PDGFRB: variants seen among roughly 807,000 people sequenced by gnomAD.
PDGFRB encodes platelet-derived growth factor receptor beta.
A neutral mutation model predicts 120.2 loss-of-function variants in PDGFRB; 42 were observed. The observed-to-expected ratio is 0.35, with a 90% CI of 0.27 to 0.45. PDGFRB has a LOEUF of 0.45. Ranked by LOEUF, PDGFRB falls within the 20% of genes least tolerant of loss-of-function variation. The pLI, the probability that PDGFRB is intolerant of heterozygous loss-of-function variation, is 1.00. For synonymous variants in PDGFRB, 586 were observed against 606.8 expected (o/e 0.97, Z 0.50); for missense variants, 1,149 against 1,476.3 (o/e 0.78, Z 3.63).
chr5:150,149,838 C>G (rs1761024185), intron 1 of PDGFRB, among the ~76,000 whole-genome samples: 2 of 152,210 alleles, frequency 1.3e-5, no homozygotes, highest in Admixed American at 1.3e-4. Flanking sequence ...GGTGGTGTCA[C>G]TGCCCTTGGG....
In PDGFRB at chr5:150,132,977, G is replaced by A. The variant is rs2113907401; in HGVS notation, c.935-35C>T. The A allele has an allele frequency of 5.5e-6, 8 of 1,455,746 alleles. No individual in the cohort carries two copies. Among genetic ancestry groups the A allele is most frequent in the Non-Finnish European group, 7.5e-6 (8 of 1,068,096 alleles). The allele number at this position is 1,455,746 out of a possible 1,614,324, so 90.2% of individuals were successfully genotyped here. The stretch of plus-strand genomic sequence containing the variant: ...GTGACCGTCAGGGGCGGGGCCCTGG[G>A]GGCAGGGCACCAACTGAATCCCAAA... On this transcript the variant is annotated intron_variant, in intron 6 of 22. Transcript: ENST00000261799. The surrounding 1 kb of genome is among the most constrained non-coding windows in gnomAD (Gnocchi z 5.0).
Position 150,123,138 on chromosome 5 carries a change from T to C in PDGFRB, c.2087A>G (p.Asn696Ser). ...GTGGTGCTGCAGGAAGGTGTGTTTG[T>C]TGCGGTGCAGGTAGTCCACCAGGTC... ...YGDLVDYLHR[N>S]KHTFLQHHSD... is the part of the protein sequence containing the mutation. The change falls in exon 15 of 23, where the codon AAC becomes AGC. Residue 696 changes from asparagine to serine, a missense_variant. By Grantham distance (46) the Asn-to-Ser change is conservative. Coordinates refer to ENST00000261799, the MANE Select transcript of PDGFRB (RefSeq NM_002609.4). 1 of 1,613,972 alleles carries C rather than the reference T, an allele frequency of 6.2e-7. No homozygotes were observed. The highest frequency in any genetic ancestry group is 8.5e-7 in the Non-Finnish European group (1 of 1,179,892).
At chr5:150,145,531 C>G (rs1316424920) in intron 1 of PDGFRB, among the ~76,000 whole-genome samples, 1 of 152,210 alleles carries the variant, frequency 6.6e-6, no homozygotes, top group Non-Finnish European at 1.5e-5. Context: ...CCTCATTTTA[C>G]AGATGTGGAA....
rs752448014 is a variant in PDGFRB, at chr5:150,115,759, C to T, written c.*4G>A. 54 of 1,591,638 alleles carry T rather than the reference C, an allele frequency of 3.4e-5. No homozygotes were observed. The Admixed American group carries it at 8.9e-4, about 26-fold the overall frequency. ...TCAGGCAGGGCAGGGTAGGGGCCAGCCCCCTACAGGAAGCTATCCTCTGCT... is the reference window on the plus strand; with the variant it reads ...TCAGGCAGGGCAGGGTAGGGGCCAGTCCCCTACAGGAAGCTATCCTCTGCT... On this transcript the variant is annotated 3_prime_UTR_variant, in exon 23 of 23. Coordinates refer to ENST00000261799, the MANE Select transcript of PDGFRB (RefSeq NM_002609.4).
rs1759851733 is a variant in PDGFRB at position 150,114,292 on chromosome 5, C to A, written c.*1471G>T. ...GGGCAGCTGGTGGGTGAGGGGCAAA[C>A]CTCCAAAGCGCCCACCTCTCACATC... is the stretch of plus-strand genomic sequence containing the variant. On this transcript the variant is annotated 3_prime_UTR_variant, in exon 23 of 23. Coordinates refer to ENST00000261799, the MANE Select transcript of PDGFRB (RefSeq NM_002609.4). The A allele has an allele frequency of 4.3e-6, 1 of 233,048 alleles. No homozygotes were observed. The highest frequency in any genetic ancestry group is 2.2e-5 in the African/African-American group (1 of 45,346). The allele number at this position is 233,048 out of a possible 1,614,324, so 14.4% of individuals were successfully genotyped here.
intron 15 of PDGFRB, chr5:150,122,343 C>G (rs1009692855): frequency 6.1e-6 from 2 of 329,090 alleles, no homozygotes; most frequent in Non-Finnish European, 1.1e-5. Flanking sequence ...GCCTCCCCAG[C>G]GCCACCTGGC....
rs116476231 is a variant in PDGFRB at position 150,120,860 on chromosome 5, C to T, written c.2586+28G>A. 1,059 of 1,611,292 alleles carry T rather than the reference C, an allele frequency of 6.6e-4. 9 individuals are homozygous for T. In the African/African-American group the frequency reaches 0.013, roughly 19 times the overall value. ...CCTGCGGTCACAGGCACTGTGACTG[C>T]CCTGCAGGGGCCAGGGAAGGTACTC... On this transcript the variant is annotated intron_variant, in intron 18 of 22. Coordinates refer to ENST00000261799, the MANE Select transcript of PDGFRB (RefSeq NM_002609.4). The surrounding 1 kb of genome is among the most constrained non-coding windows in gnomAD (Gnocchi z 4.3).
Position 150,133,572 on chromosome 5 carries a change from C to T in PDGFRB, c.934+14G>A, listed in dbSNP as rs1363291073. 2.5e-6 allele frequency: 4 copies of T among 1,610,702 alleles called. No individual in the cohort carries two copies. The highest frequency in any genetic ancestry group is 3.3e-5 in the Admixed American group (2 of 59,992). ...TGAAGGAATTGGGGATTGGGCTGAG[C>T]CCAAGGCACACACCAACCACGGTGA... On this transcript the variant is annotated intron_variant, in intron 6 of 22. Transcript: ENST00000261799.
intron 19 of PDGFRB, 89 bp from the exon 20 acceptor site, chr5:150,119,655 T>G: frequency 1.2e-6 from 1 of 828,246 alleles, no homozygotes; most frequent in East Asian, 2.4e-5. Flanking sequence ...AGAGCCATGC[T>G]GGCCCTGGTA....
chr5:150,120,957 C>A lies in PDGFRB; in HGVS notation c.2517G>T (p.Leu839=). 1 of 1,613,864 alleles carries A rather than the reference C, an allele frequency of 6.2e-7. No homozygotes were observed. Among genetic ancestry groups the A allele is most frequent in the South Asian group, 1.1e-5 (1 of 91,066 alleles). The change falls in exon 18 of 23, where the codon CTG becomes CTT. Residue 839 remains leucine (L), a synonymous_variant. Coordinates refer to ENST00000261799, the MANE Select transcript of PDGFRB (RefSeq NM_002609.4). This position sits in a 1 kb window ranked among gnomAD's most constrained non-coding sequence, Gnocchi z 4.3. Reference sequence around the variant, plus strand: ...CCAGGCCAAAGTCACAGATCTTGACCAGCTTGCCTTCACAGATGAGCACGT... The same window carrying A: ...CCAGGCCAAAGTCACAGATCTTGACAAGCTTGCCTTCACAGATGAGCACGT... The part of the protein sequence containing the change: ...ARNVLICEGK[L]VKICDFGLAR...
chr5:150,114,098 T>A lies in PDGFRB; in HGVS notation c.*1665A>T, dbSNP rs1363254472. On this transcript the variant is annotated 3_prime_UTR_variant, in exon 23 of 23. Transcript: ENST00000261799. ...AATGCAGGGTTGGTGCCCAGAGGGGTTGAGCTTCCTGCACCCCCTTCCCAA... is the reference window on the plus strand; with the variant it reads ...AATGCAGGGTTGGTGCCCAGAGGGGATGAGCTTCCTGCACCCCCTTCCCAA... The A allele has an allele frequency of 4.3e-6, 1 of 233,268 alleles. No homozygotes were observed. The highest frequency in any genetic ancestry group is 8.5e-6 in the Non-Finnish European group (1 of 117,938). 14.4% of individuals were successfully genotyped at this position (233,268 alleles called of 1,614,324 possible).
intron 14 of PDGFRB, 80 bp from the exon 15 acceptor site, chr5:150,123,281 G>A (rs1760200562): frequency 9.2e-7 from 1 of 1,090,288 alleles, no homozygotes; most frequent in Non-Finnish European, 1.4e-6. Context: ...ATCAGGGGCT[G>A]GATGTGGGAG....
At chr5:150,151,730 C>T (rs1450835420) in intron 1 of PDGFRB, among the ~76,000 whole-genome samples, 1 of 151,902 alleles carries the variant, frequency 6.6e-6, no homozygotes, top group East Asian at 2.0e-4. Context: ...CATGGTGGCG[C>T]ACACGCCTGT....
At chr5:150,149,661 AC>A (rs1272621695) in intron 1 of PDGFRB, among the ~76,000 whole-genome samples, 2 of 152,190 alleles carry the variant, frequency 1.3e-5, no homozygotes, top group African/African-American at 2.4e-5. Flanking sequence ...GGAGCCACCC[AC>A]AGTCCACCAG....
intron 14 of PDGFRB, 96 bp downstream of exon 14, chr5:150,124,154 G>A (rs1164884063): frequency 2.6e-6 from 2 of 767,626 alleles, no homozygotes; most frequent in African/African-American, 3.5e-5. Flanking sequence ...TCCAGCAGGA[G>A]TGTGCTGTTG....
rs537725629 is a variant in PDGFRB at position 150,121,981 on chromosome 5, G to A, written c.2243C>T (p.Ser748Leu). 48 of 1,613,400 alleles carry A rather than the reference G, an allele frequency of 3.0e-5. No homozygotes were observed. The highest frequency in any genetic ancestry group is 2.0e-4 in the East Asian group (9 of 44,874). ...GGYMDMSKDE[S>L]VDYVPMLDMK... Reference sequence around the variant, plus strand: ...GTCCAGCATGGGCACATAGTCCACCGACTCGTCCTTGCTCATGTCCATGTA... The same window carrying A: ...GTCCAGCATGGGCACATAGTCCACCAACTCGTCCTTGCTCATGTCCATGTA... The change falls in exon 16 of 23, where the codon TCG (serine) becomes TTG (leucine). Residue 748 changes from serine to leucine, a missense_variant. Physicochemically the swap from Ser to Leu is moderately radical, Grantham distance 145. Transcript: ENST00000261799. The surrounding 1 kb of genome is among the most constrained non-coding windows in gnomAD (Gnocchi z 4.1).
At position 150,133,043 on chromosome 5, in the gene PDGFRB, G is replaced by A. The variant is rs73796323; in HGVS notation, c.935-101C>T. The A allele has an allele frequency of 7.6e-3, 6,216 of 818,626 alleles. 268 individuals carry two copies. In the African/African-American group the frequency reaches 0.092, roughly 12 times the overall value. The allele number at this position is 818,626 out of a possible 1,614,324, so 50.7% of individuals were successfully genotyped here. A position where few individuals can be genotyped will look rare whatever the true frequency, so the allele number is the denominator to read the frequency against. On this transcript the variant is annotated intron_variant, in intron 6 of 22. Transcript: ENST00000261799. ...GGGTGGGGCTTCAGGCCTGGGGACC[G>A]TGCCAGCCATGGAGTTTCCGGAGCT... is the stretch of plus-strand genomic sequence containing the variant.
chr5:150,143,368 G>A (rs1234923562), intron 1 of PDGFRB, among the ~76,000 whole-genome samples: 1 of 152,178 alleles, frequency 6.6e-6, no homozygotes, highest in East Asian at 1.9e-4. Context: ...GAGTGTCTTG[G>A]GAGCACTTTC....
At position 150,134,087 on chromosome 5, in the gene PDGFRB, G is replaced by T. The variant is rs1760556662; in HGVS notation, c.632-79C>A. On this transcript the variant is annotated intron_variant, in intron 4 of 22. Coordinates refer to ENST00000261799, the MANE Select transcript of PDGFRB (RefSeq NM_002609.4). ...CTTCAGCTTGGGGATAGGGTAGGGG[G>T]CTAGAGAGGGAAAGGATGACTGATG... The T allele has an allele frequency of 6.2e-6, 8 of 1,290,952 alleles. No homozygotes were observed. The South Asian group carries it at 9.5e-5, about 15-fold the overall frequency. 80.0% of individuals were successfully genotyped at this position (1,290,952 alleles called of 1,614,324 possible). A position where few individuals can be genotyped will look rare whatever the true frequency, so the allele number is the denominator to read the frequency against.
Sources: gnomAD v4.1 joint callset for allele counts (sites outside exome capture counted in the v4.1 genomes callset) on GRCh38, gnomAD v4.1.1 for gene constraint, Gnocchi (gnomAD v3.1) non-coding constraint, MANE v1.5 for transcripts, NCBI Gene and HGNC (gene_info 2026-07-23, HGNC 2026-07-21) for gene names.